The following PHRF1 variants were observed in gnomAD, a reference collection of about 807,000 sequenced individuals.
PHRF1 encodes PHD and ring finger domains 1.
Under a neutral mutation model 128.9 loss-of-function variants are expected in PHRF1, and 53 were observed. That is an observed-to-expected ratio of 0.41 (90% CI 0.33 to 0.52). The LOEUF is 0.52. Ranked by LOEUF, PHRF1 falls within the 20% of genes least tolerant of loss-of-function variation. The probability of loss-of-function intolerance (pLI) is 0.21; values close to 1 mark genes in which losing one functional copy is unlikely to be tolerated. For missense variants in PHRF1, 2,503 were observed against 2,284.5 expected (o/e 1.10, Z -1.95); for synonymous variants, 1,178 against 980.6 (o/e 1.20, Z -3.76).
Position 587,342 on chromosome 11 carries a change from A to G in PHRF1, c.298A>G (p.Asn100Asp), listed in dbSNP as rs1854629227. The G allele has an allele frequency of 1.2e-6, 2 of 1,613,646 alleles. No individual in the cohort carries two copies. The highest frequency in any genetic ancestry group is 1.7e-6 in the Non-Finnish European group (2 of 1,179,888). ...QGKLEAAGSF[N>D]SDDDAESCPI... ...GAAACTGGAAGCCGCTGGCTCTTTC[A>G]ATTCTGATGATGATGCAGAGAGCTG... The change falls in exon 4 of 18, where the codon AAT (asparagine) becomes GAT (aspartate). Residue 100 changes from asparagine (N) to aspartate (D), a missense_variant. Asn to Asp is a conservative substitution (Grantham distance 23). Transcript: ENST00000264555.
chr11:597,443 T>G lies in PHRF1; in HGVS notation c.767T>G (p.Val256Gly). Residue 256 changes from valine (V) to glycine (G), a missense_variant, in exon 8 of 18, where the codon GTG becomes GGG. Transcript: ENST00000264555. This position sits in a 1 kb window ranked among gnomAD's most constrained non-coding sequence, Gnocchi z 6.5. ...EEEVSLLLAD[V>G]VPTTSRLRPR... ...GAGGTCTCCCTGCTCTTGGCTGATG[T>G]GGTGCCCACCACCAGCAGGCTTCGG... The G allele has an allele frequency of 1.9e-6, 3 of 1,612,972 alleles. No individual in the cohort carries two copies. Among genetic ancestry groups the G allele is most frequent in the African/African-American group, 1.3e-5 (1 of 75,014 alleles).
rs374471357 is a variant in PHRF1 at position 609,158 on chromosome 11, G to A, written c.3702G>A (p.Thr1234=). The A allele has an allele frequency of 3.5e-5, 56 of 1,605,756 alleles. No individual in the cohort carries two copies. Among genetic ancestry groups the A allele is most frequent in the African/African-American group, 1.6e-4 (12 of 74,906 alleles). The part of the protein sequence containing the change: ...GEAHVSPEVA[T]ADKAPLQAPP... The stretch of plus-strand genomic sequence containing the variant: ...CACATGTCTCGCCGGAGGTGGCTAC[G>A]GCCGACAAGGCCCCCCTGCAGGCTC... Residue 1234 remains threonine, a synonymous_variant, in exon 14 of 18, where the codon ACG becomes ACA. Coordinates refer to ENST00000264555, the MANE Select transcript of PHRF1 (RefSeq NM_001286581.2).
In PHRF1 at chr11:610,523, C is replaced by G; in HGVS notation, c.4439C>G (p.Pro1480Arg). ...CAGGTTTACAGCCCCGGCCTGCCGC[C>G]TGCCCCGGCCCAGCCCTCAAGCATC... ...PSQVYSPGLP[P>R]APAQPSSIPP... Residue 1480 changes from proline to arginine, a missense_variant, in exon 16 of 18, where the codon CCT (proline) becomes CGT (arginine). By Grantham distance (103) the Pro-to-Arg change is moderately radical. Coordinates refer to ENST00000264555, the MANE Select transcript of PHRF1 (RefSeq NM_001286581.2). The G allele has an allele frequency of 6.2e-7, 1 of 1,604,428 alleles. No individual in the cohort carries two copies. Among genetic ancestry groups the G allele is most frequent in the South Asian group, 1.1e-5 (1 of 90,984 alleles).
chr11:579,195 A>G (rs999030906), intron 1 of PHRF1, among the ~76,000 whole-genome samples: 15 of 149,280 alleles, frequency 1.0e-4, no homozygotes, highest in Non-Finnish European at 1.9e-4. Context: ...GAGGATTTGC[A>G]CTCGGGACAG....
rs748750686 is a variant in PHRF1, at chr11:596,568, C to T, written c.621-355C>T. 2.4e-4 allele frequency among the ~76,000 whole-genome samples: 36 copies of T among 152,170 alleles called. 1 individual carries two copies. The highest frequency in any genetic ancestry group is 4.3e-4 in the Non-Finnish European group (29 of 68,030). On this transcript the variant is annotated intron_variant, in intron 6 of 17. Transcript: ENST00000264555. ...ATACCACAGGCTGGGCAGCGTAAAC[C>T]GCAGGTCTTCCTTTTCTTGGTTTTG...
chr11:601,766 C>T, intron 10 of PHRF1, 65 bp downstream of exon 10: 2 of 1,600,950 alleles, frequency 1.2e-6, no homozygotes, highest in Non-Finnish European at 1.7e-6. Flanking sequence ...GGTTACGGAG[C>T]AGGGCCTAAG....
At chr11:605,463 C>G in intron 11 of PHRF1, 142 bp from the exon 12 acceptor site, 1 of 1,477,748 alleles carries the variant, frequency 6.8e-7, no homozygotes, top group Non-Finnish European at 9.1e-7. Flanking sequence ...GCGTGGAACT[C>G]AGAGGTCTGG....
Position 609,370 on chromosome 11 carries a change from T to C in PHRF1, c.3914T>C (p.Leu1305Pro). ...TCTTCCCCGGAGCGAGACTTCCCAC[T>C]GAAGCCTGCGTTGCCCCCAGCCAGC... ...TDSSPERDFP[L>P]KPALPPASLA... The change falls in exon 14 of 18, where the codon CTG becomes CCG. Residue 1305 changes from leucine to proline, a missense_variant. Leu to Pro is a moderately conservative substitution (Grantham distance 98). Transcript: ENST00000264555. The C allele has an allele frequency of 6.2e-7, 1 of 1,612,048 alleles. No homozygotes were observed. Among genetic ancestry groups the C allele is most frequent in the Non-Finnish European group, 8.5e-7 (1 of 1,179,874 alleles).
chr11:594,716 C>G (rs571493088), intron 6 of PHRF1, among the ~76,000 whole-genome samples: 1 of 152,316 alleles, frequency 6.6e-6, no homozygotes, highest in South Asian at 2.1e-4. Flanking sequence ...CCCACCTCGG[C>G]CTCCCAAAGT....
intron 15 of PHRF1, 55 bp downstream of exon 15, chr11:610,402 C>CCA: frequency 1.3e-6 from 2 of 1,534,382 alleles, no homozygotes; most frequent in East Asian, 2.4e-5. Flanking sequence ...GGCACCCGTG[C>CCA]CACACACACC....
At chr11:582,107 C>T (rs199744691) in intron 3 of PHRF1, 26 bp downstream of exon 3, 2 of 1,565,328 alleles carry the variant, frequency 1.3e-6, no homozygotes, top group Non-Finnish European at 8.7e-7. Flanking sequence ...TTCACGCCGG[C>T]TCCTGTGTTT....
intron 4 of PHRF1, among the ~76,000 whole-genome samples, chr11:589,777 G>A (rs1211957168): frequency 6.6e-6 from 1 of 151,530 alleles, no homozygotes; most frequent in Non-Finnish European, 1.5e-5. Context: ...GAGCATGTCA[G>A]GCTCAGCCTG....
At chr11:577,581 G>A (rs1853954942) in intron 1 of PHRF1, among the ~76,000 whole-genome samples, 1 of 152,280 alleles carries the variant, frequency 6.6e-6, no homozygotes, top group Non-Finnish European at 1.5e-5. Flanking sequence ...GCCCTCAGCA[G>A]GGCTGTGTTT....
chr11:586,905 C>G (rs1312051805), intron 3 of PHRF1, among the ~76,000 whole-genome samples: 4 of 152,150 alleles, frequency 2.6e-5, no homozygotes, highest in Admixed American at 1.3e-4. Context: ...CTTGGAGGCT[C>G]TGAAATGAAC....
chr11:610,431 GGCCTCACAGCT>G, intron 15 of PHRF1, 59 bp from the exon 16 acceptor site: 1 of 1,549,988 alleles, frequency 6.5e-7, no homozygotes, highest in Non-Finnish European at 8.7e-7. Context: ...CTGGGGCTGA[GGCCTCACAGCT>G]CCTGGGCACA....
Position 609,411 on chromosome 11 carries a change from A to T in PHRF1, c.3955A>T (p.Ile1319Phe), listed in dbSNP as rs764102195. 6.2e-6 allele frequency: 10 copies of T among 1,610,082 alleles called. No homozygotes were observed. The highest frequency in any genetic ancestry group is 8.5e-6 in the Non-Finnish European group (10 of 1,179,820). Residue 1319 changes from isoleucine (I) to phenylalanine (F), a missense_variant, in exon 14 of 18, where the codon ATC (isoleucine) becomes TTC (phenylalanine). Physicochemically the swap from Ile to Phe is conservative, Grantham distance 21. Transcript: ENST00000264555. ...LPPASLAVAA[I>F]QREVSLMHDE... The stretch of plus-strand genomic sequence containing the variant: ...CCCAGCCAGCCTGGCCGTGGCCGCC[A>T]TCCAGAGGGAGGTGTCATTGATGCA...
chr11:577,804 C>G (rs1484509317), intron 1 of PHRF1, among the ~76,000 whole-genome samples: 1 of 152,272 alleles, frequency 6.6e-6, no homozygotes, highest in East Asian at 1.9e-4. Context: ...TGCAGGCACC[C>G]CGGACACCAG....
At chr11:602,930 T>C (rs1855725883) in intron 10 of PHRF1, among the ~76,000 whole-genome samples, 1 of 151,692 alleles carries the variant, frequency 6.6e-6, no homozygotes, top group Admixed American at 6.6e-5. Flanking sequence ...GCCCAGCTAA[T>C]TTTTGTATTT....
Position 608,184 on chromosome 11 carries a change from G to C in PHRF1, c.2728G>C (p.Ala910Pro), listed in dbSNP as rs60477898. The C allele has an allele frequency of 5.7e-5, 92 of 1,609,970 alleles. 1 individual carries two copies. In the South Asian group the frequency reaches 9.9e-4, roughly 17 times the overall value. Residue 910 changes from alanine (A) to proline (P), a missense_variant, in exon 14 of 18, where the codon GCT becomes CCT. Physicochemically the swap from Ala to Pro is conservative, Grantham distance 27 (BLOSUM62 -1). Transcript: ENST00000264555. Reference protein sequence around the residue: ...SAMSKLRGAVAAEGASDTERE... With the variant: ...SAMSKLRGAVPAEGASDTERE... ...CATGTCCAAGCTCCGGGGTGCAGTG[G>C]CTGCCGAGGGGGCCTCTGACACGGA...
Sources: allele counts gnomAD v4.1 joint callset (sites outside exome capture counted in the v4.1 genomes callset), GRCh38; gene constraint gnomAD v4.1.1; non-coding constraint Gnocchi (gnomAD v3.1); transcripts MANE v1.5; gene names NCBI Gene and HGNC (gene_info 2026-07-23, HGNC 2026-07-21).